Variants in BLTP1 observed in about 807,000 individuals in gnomAD.
BLTP1 encodes the protein fragile site-associated protein.
At chr4:122,219,100 A>G in the BLTP1 span, 2 of 978,630 alleles carry the variant, frequency 2.0e-6, no homozygotes, top group Non-Finnish European at 2.4e-6. Context: ...AATGCCATGA[A>G]GTTTTTCTAT....
At chr4:122,324,496 G>T in the BLTP1 span, 2 of 1,610,762 alleles carry the variant, frequency 1.2e-6, no homozygotes, top group Non-Finnish European at 1.7e-6. Context: ...AAGCATTTCT[G>T]CTTCTGGAAG....
chr4:122,254,741 G>A, the BLTP1 span: 2 of 1,422,244 alleles, frequency 1.4e-6, no homozygotes, highest in Non-Finnish European at 1.9e-6. Flanking sequence ...CAGTAGGTAT[G>A]GGAGATTGTT....
chr4:122,291,675 T>C, the BLTP1 span: 2 of 946,858 alleles, frequency 2.1e-6, no homozygotes, highest in Non-Finnish European at 2.5e-6. Flanking sequence ...GAATAGACTA[T>C]TTTTAATGTA....
chr4:122,232,172 C>T, the BLTP1 span: 14 of 938,002 alleles, frequency 1.5e-5, no homozygotes, highest in East Asian at 1.4e-3. Context: ...GGGTTTTTAT[C>T]TTTCTTACGA....
chr4:122,230,277 A>G, the BLTP1 span: 3 of 1,334,132 alleles, frequency 2.2e-6, no homozygotes, highest in Non-Finnish European at 3.2e-6. Flanking sequence ...ATAATTGTAG[A>G]GGAAATTCTA....
At chr4:122,337,956 G>T in the BLTP1 span, among the ~76,000 whole-genome samples, 1 of 151,388 alleles carries the variant, frequency 6.6e-6, no homozygotes, top group Non-Finnish European at 1.5e-5. Flanking sequence ...AAAACTACTT[G>T]TATCAAAACT....
At chr4:122,342,932 A>G in the BLTP1 span, among the ~76,000 whole-genome samples, 1 of 152,326 alleles carries the variant, frequency 6.6e-6, no homozygotes, top group Admixed American at 6.5e-5. Flanking sequence ...AGTAAATGTT[A>G]CCAACAAGGA....
At chr4:122,202,595 A>G in the BLTP1 span, 1 of 872,922 alleles carries the variant, frequency 1.1e-6, no homozygotes, top group Admixed American at 6.2e-5. Flanking sequence ...TTTTAACTTT[A>G]CTAATCTTTT....
chr4:122,262,227 T>C, the BLTP1 span, among the ~76,000 whole-genome samples: 1 of 147,970 alleles, frequency 6.8e-6, no homozygotes, highest in Non-Finnish European at 1.5e-5. Context: ...GTAAGGGATA[T>C]TGTGTCTAGG....
the BLTP1 span, chr4:122,243,050 T>G: frequency 6.2e-7 from 1 of 1,612,738 alleles, no homozygotes. Context: ...GGCATGCAAC[T>G]TTCAGGATCA....
chr4:122,200,830 G>A, the BLTP1 span: 2 of 780,996 alleles, frequency 2.6e-6, no homozygotes, highest in African/African-American at 1.9e-5. Flanking sequence ...GGAGCTAGAT[G>A]TAGCCATGGA....
chr4:122,225,712 G>C, the BLTP1 span: 1 of 152,244 alleles, frequency 6.6e-6, no homozygotes, highest in East Asian at 1.9e-4. Flanking sequence ...ATAAAAATAT[G>C]TGAAAAGAAA....
the BLTP1 span, chr4:122,325,425 T>A: frequency 1.4e-6 from 2 of 1,411,554 alleles, no homozygotes; most frequent in Non-Finnish European, 1.9e-6. Flanking sequence ...CTTACTATAA[T>A]CAAAGTATGG....
the BLTP1 span, among the ~76,000 whole-genome samples, chr4:122,219,914 T>G: frequency 6.6e-6 from 1 of 152,120 alleles, no homozygotes; most frequent in Non-Finnish European, 1.5e-5. Flanking sequence ...CCCAGACCAG[T>G]TTGGGGCCTT....
chr4:122,224,655 C>T, the BLTP1 span: 4 of 1,614,002 alleles, frequency 2.5e-6, no homozygotes, highest in Non-Finnish European at 1.7e-6. Context: ...GGAAGTCTTA[C>T]AGCTAAGGTC....
At chr4:122,222,000 G>A in the BLTP1 span, 1 of 608,152 alleles carries the variant, frequency 1.6e-6, no homozygotes, top group Admixed American at 6.3e-5. Context: ...CAAACTTGTG[G>A]AGAGACTGAA....
chr4:122,190,186 T>C, the BLTP1 span: 17 of 1,389,380 alleles, frequency 1.2e-5, no homozygotes, highest in Non-Finnish European at 1.6e-5. Context: ...ACCCTTGACC[T>C]TCCAGGCTCA....
chr4:122,207,908 G>C, the BLTP1 span: 1 of 984,140 alleles, frequency 1.0e-6, no homozygotes, highest in Admixed American at 6.2e-5. Context: ...CTGTATGTTA[G>C]CCCTTCTAGC....
At chr4:122,198,349 T>G in the BLTP1 span, 1 of 985,236 alleles carries the variant, frequency 1.0e-6, no homozygotes, top group African/African-American at 1.7e-5. Context: ...AAGAAGCATC[T>G]TTTAGAAAAG....
Sources: allele counts gnomAD v4.1 joint callset (sites outside exome capture counted in the v4.1 genomes callset), GRCh38; gene constraint gnomAD v4.1.1; transcripts MANE v1.5; gene names NCBI Gene and HGNC (gene_info 2026-07-23, HGNC 2026-07-21).